Variants in MS4A10 observed in about 807,000 individuals in gnomAD.
MS4A10 encodes membrane-spanning 4-domains subfamily A member 10.
Under a neutral mutation model 27.7 loss-of-function variants are expected in MS4A10, and 27 were observed. The observed-to-expected ratio is 0.98, with a 90% confidence interval of 0.72 to 1.35. The LOEUF is 1.35. Among genes scored for constraint, MS4A10 ranks in the 40% most tolerant of loss-of-function variants. MS4A10 has a pLI of 0.00. For missense variants in MS4A10, 338 were observed against 324.7 expected, an observed-to-expected ratio of 1.04 and a Z score of -0.32; for synonymous variants, 139 against 131.2, an observed-to-expected ratio of 1.06 and a Z score of -0.41.
intron 2 of MS4A10, 146 bp downstream of exon 2, chr11:60,790,664 C>G (rs2134750065): frequency 1.0e-6 from 1 of 975,866 alleles, no homozygotes; most frequent in East Asian, 2.6e-5. Flanking sequence ...TGGAAAAGGC[C>G]TTGAAGATTG....
chr11:60,794,581 C>T (rs1256577740), intron 5 of MS4A10, among the ~76,000 whole-genome samples: 1 of 152,224 alleles, frequency 6.6e-6, no homozygotes. Context: ...GACTCCAAGC[C>T]TGGTGCTCTT....
intron 2 of MS4A10, 89 bp from the exon 3 acceptor site, chr11:60,790,885 C>T: frequency 6.4e-7 from 1 of 1,554,460 alleles, no homozygotes; most frequent in Non-Finnish European, 8.7e-7. Flanking sequence ...AAGGGACTCA[C>T]CACAGCCAGT....
At position 60,790,443 on chromosome 11, in the gene MS4A10, G is replaced by A. The variant is rs142225777; in HGVS notation, c.108G>A (p.Thr36=). ...QPWQTSAPQN[T]TQPKLLAPHQ... ...GGCAGACAAGTGCACCCCAGAACAC[G>A]ACCCAGCCCAAGCTCCTGGCTCCAC... The change falls in exon 2 of 8, where the codon ACG becomes ACA. Residue 36 remains threonine, a synonymous_variant. Transcript: ENST00000308287. 3.2e-5 allele frequency: 51 copies of A among 1,614,028 alleles called. No homozygotes were observed. The highest frequency in any genetic ancestry group is 4.5e-5 in the East Asian group (2 of 44,872).
chr11:60,796,690 C>T lies in MS4A10; in HGVS notation c.603+1025C>T, dbSNP rs141961727. The stretch of plus-strand genomic sequence containing the variant: ...AAGGCGAAGCAGCCAATTAGGAAAT[C>T]CAGGACTCAGCCTGAGCTATGTCCA... On this transcript the variant is annotated intron_variant, in intron 6 of 7. Transcript: ENST00000308287. Among the ~76,000 whole-genome samples, 923 of 152,250 alleles carry T rather than the reference C, an allele frequency of 6.1e-3. 7 individuals carry two copies. The highest frequency in any genetic ancestry group is 0.021 in the African/African-American group (883 of 41,534).
intron 5 of MS4A10, among the ~76,000 whole-genome samples, 166 bp downstream of exon 5, chr11:60,794,269 G>C (rs929398074): frequency 6.6e-6 from 1 of 152,236 alleles, no homozygotes; most frequent in Non-Finnish European, 1.5e-5. Flanking sequence ...TGGTGGAAAG[G>C]TGGGTGCTGG....
intron 4 of MS4A10, among the ~76,000 whole-genome samples, chr11:60,793,504 C>T (rs757241002): frequency 5.3e-5 from 8 of 152,094 alleles, no homozygotes; most frequent in Admixed American, 6.5e-5. Flanking sequence ...GGCAGGTGGG[C>T]GGAGAAAATG....
At chr11:60,797,640 C>T (rs752148088) in intron 6 of MS4A10, among the ~76,000 whole-genome samples, 11 of 152,176 alleles carry the variant, frequency 7.2e-5, no homozygotes, top group Non-Finnish European at 1.0e-4. Flanking sequence ...CCAGGAGAAT[C>T]TCCCAATCTC....
intron 4 of MS4A10, among the ~76,000 whole-genome samples, chr11:60,792,753 G>T (rs188632101): frequency 1.3e-5 from 2 of 152,026 alleles, no homozygotes; most frequent in African/African-American, 4.8e-5. Context: ...TTTTCTGCCC[G>T]TGCTGGCCAC....
At chr11:60,798,344 G>A (rs995709803) in intron 6 of MS4A10, 52 bp from the exon 7 acceptor site, 46 of 1,366,224 alleles carry the variant, frequency 3.4e-5, no homozygotes, top group Non-Finnish European at 4.8e-5. Flanking sequence ...TTCGGAAGCA[G>A]CCAGTCGCTC....
chr11:60,798,354 C>T (rs1249716483), intron 6 of MS4A10, 42 bp from the exon 7 acceptor site: 10 of 1,471,592 alleles, frequency 6.8e-6, no homozygotes, highest in African/African-American at 1.4e-5. Flanking sequence ...GCCAGTCGCT[C>T]CACAGCTGTG....
Position 60,800,024 on chromosome 11 carries a change from C to A in MS4A10, c.*115C>A. 6.5e-7 allele frequency: 1 copy of A among 1,534,114 alleles called. No individual in the cohort carries two copies. The highest frequency in any genetic ancestry group is 1.2e-5 in the South Asian group (1 of 83,124). ...ACATACAAAAGGCTAGAGCGATGGT[C>A]TATACAGCAAAGTCAGCCCTCACAG... On this transcript the variant is annotated 3_prime_UTR_variant, in exon 8 of 8. Coordinates refer to ENST00000308287, the MANE Select transcript of MS4A10 (RefSeq NM_206893.4).
Position 60,795,626 on chromosome 11 carries a change from A to C in MS4A10, c.564A>C (p.Thr188=). 6.3e-7 allele frequency: 1 copy of C among 1,595,662 alleles called. No homozygotes were observed. The highest frequency in any genetic ancestry group is 8.5e-7 in the Non-Finnish European group (1 of 1,170,876). The part of the protein sequence containing the change: ...TVLELFLPVP[T]AVTAWRGDCP... ...TAGAGCTCTTCCTGCCAGTGCCCAC[A>C]GCTGTCACAGCCTGGAGAGGGGACT... Residue 188 remains threonine, a synonymous_variant, in exon 6 of 8, where the codon ACA becomes ACC. Coordinates refer to ENST00000308287, the MANE Select transcript of MS4A10 (RefSeq NM_206893.4).
intron 1 of MS4A10, among the ~76,000 whole-genome samples, chr11:60,788,570 G>A (rs1008566495): frequency 1.3e-5 from 2 of 152,200 alleles, no homozygotes; most frequent in South Asian, 2.1e-4. Context: ...TGTGTCAGAC[G>A]GACTTCTGAA....
At chr11:60,788,937 A>G (rs1854381626) in intron 1 of MS4A10, among the ~76,000 whole-genome samples, 1 of 152,194 alleles carries the variant, frequency 6.6e-6, no homozygotes. Flanking sequence ...CTTCCTGAGT[A>G]TTAAGGGAGG....
Position 60,795,622 on chromosome 11 carries a change from C to T in MS4A10, c.560C>T (p.Pro187Leu). 2 of 1,596,008 alleles carry T rather than the reference C, an allele frequency of 1.3e-6. No individual in the cohort carries two copies. The highest frequency in any genetic ancestry group is 1.7e-5 in the Admixed American group (1 of 57,818). ...GTCCTAGAGCTCTTCCTGCCAGTGC[C>T]CACAGCTGTCACAGCCTGGAGAGGG... ...FTVLELFLPVPTAVTAWRGDC... is the reference protein window; with the variant it reads ...FTVLELFLPVLTAVTAWRGDC... The change falls in exon 6 of 8, where the codon CCC becomes CTC. Residue 187 changes from proline to leucine, a missense_variant. Coordinates refer to ENST00000308287, the MANE Select transcript of MS4A10 (RefSeq NM_206893.4).
At chr11:60,786,730 A>G (rs1457947848) in intron 1 of MS4A10, among the ~76,000 whole-genome samples, 1 of 152,086 alleles carries the variant, frequency 6.6e-6, no homozygotes, top group African/African-American at 2.4e-5. Context: ...GTGGAGCCTC[A>G]CTGGTGGGAT....
At chr11:60,786,999 C>A (rs185128249) in intron 1 of MS4A10, among the ~76,000 whole-genome samples, 141 of 152,332 alleles carry the variant, frequency 9.3e-4, no homozygotes, top group African/African-American at 3.2e-3. Flanking sequence ...GCGCTCAGGG[C>A]CGTGCCCACT....
intron 3 of MS4A10, 25 bp downstream of exon 3, chr11:60,791,118 C>T (rs765569518): frequency 3.8e-5 from 61 of 1,612,356 alleles, no homozygotes; most frequent in Middle Eastern, 1.6e-4. Context: ...AAACACAGAC[C>T]GGGTGTGGGA....
chr11:60,787,555 A>G (rs1366620438), intron 1 of MS4A10, among the ~76,000 whole-genome samples: 2 of 152,108 alleles, frequency 1.3e-5, no homozygotes, highest in Admixed American at 6.5e-5. Context: ...AGAGATCATC[A>G]CTCAATTCCC....
Sources: gnomAD v4.1 joint callset for allele counts (sites outside exome capture counted in the v4.1 genomes callset) on GRCh38, gnomAD v4.1.1 for gene constraint, MANE v1.5 for transcripts, NCBI Gene and HGNC (gene_info 2026-07-23, HGNC 2026-07-21) for gene names.